NUP98: variants seen among roughly 807,000 people sequenced by gnomAD.
The protein encoded by NUP98 is nucleoporin 98 and 96 precursor.
NUP98 carries 26 observed loss-of-function variants against 191.9 expected under a neutral mutation model. That is an observed-to-expected ratio of 0.14 (90% CI 0.10 to 0.19). NUP98 has a LOEUF of 0.19. Among genes scored for constraint, NUP98 ranks in the 10% least tolerant of loss-of-function variants. NUP98 has a pLI of 1.00. For missense variants in NUP98, 1,941 were observed against 2,178.8 expected (o/e 0.89, Z 2.17); for synonymous variants, 808 against 778.4 (o/e 1.04, Z -0.63).
At chr11:3,728,602 G>A (rs367629322) in intron 14 of NUP98, among the ~76,000 whole-genome samples, 1 of 152,116 alleles carries the variant, frequency 6.6e-6, no homozygotes, top group Non-Finnish European at 1.5e-5. Flanking sequence ...AGCTGGGCGT[G>A]GTGGTGGGCG....
chr11:3,691,445 C>A lies in NUP98; in HGVS notation c.4356G>T (p.Ser1452=). Residue 1452 remains serine (S), a synonymous_variant, in exon 28 of 33, where the codon TCG becomes TCT. Coordinates refer to ENST00000324932, the MANE Select transcript of NUP98 (RefSeq NM_016320.5). ...TCACACAGCCAGAACCCTCCAGATA[C>A]GAAGGAAGTGGGGAGCAGGCATATC... is the stretch of plus-strand genomic sequence containing the variant. The part of the protein sequence containing the change: ...SDRYACSPLP[S]YLEGSGCVIA... 1 of 1,614,030 alleles carries A rather than the reference C, an allele frequency of 6.2e-7. No homozygotes were observed. Among genetic ancestry groups the A allele is most frequent in the African/African-American group, 1.3e-5 (1 of 74,996 alleles).
In NUP98 at chr11:3,691,686, TG is replaced by T. The variant is rs1487815804; in HGVS notation, c.4312-198del. On this transcript the variant is annotated intron_variant, in intron 27 of 32. Transcript: ENST00000324932. ...CTCCTGCCTCAGCCTCCCAAGTAGC[TG>T]GGATTACAGCTGCACACCACCACAC... 3.3e-5 allele frequency among the ~76,000 whole-genome samples: 5 copies of T among 152,250 alleles called. No individual in the cohort carries two copies. The East Asian group carries it at 9.6e-4, about 29-fold the overall frequency.
intron 19 of NUP98, 75 bp from the exon 20 acceptor site, chr11:3,712,803 C>T: frequency 6.9e-7 from 1 of 1,455,344 alleles, no homozygotes; most frequent in Non-Finnish European, 9.4e-7. Context: ...AATCTTGCAG[C>T]ATTACCTTAA....
chr11:3,777,620 C>CAA lies in NUP98; in HGVS notation c.355+1251_355+1252dup, dbSNP rs35614116. 5.5e-3 allele frequency among the ~76,000 whole-genome samples: 322 copies of CAA among 58,938 alleles called. 5 individuals carry two copies. The highest frequency in any genetic ancestry group is 9.1e-3 in the African/African-American group (137 of 15,002). The allele number at this position is 58,938 out of a possible 152,430, so 38.7% of individuals were successfully genotyped here. A position where few individuals can be genotyped will look rare whatever the true frequency, so the allele number is the denominator to read the frequency against. Reference sequence around the variant, plus strand: ...CGGGTAACAGATCAAGACTCCGTCTCAAAAAAAAAAAAAAAAAAAAAGAAG... The same window carrying CAA: ...CGGGTAACAGATCAAGACTCCGTCTCAAAAAAAAAAAAAAAAAAAAAAAGAAG... On this transcript the variant is annotated intron_variant, in intron 4 of 32. Coordinates refer to ENST00000324932, the MANE Select transcript of NUP98 (RefSeq NM_016320.5).
At chr11:3,738,776 C>CAAAAAAA (rs58460963) in intron 12 of NUP98, among the ~76,000 whole-genome samples, 1 of 67,244 alleles carries the variant, frequency 1.5e-5, no homozygotes, top group South Asian at 7.4e-4. Flanking sequence ...AGACTCCTCT[C>CAAAAAAA]AAAAAAAAAA....
At chr11:3,795,698 T>C (rs915556133) in intron 1 of NUP98, among the ~76,000 whole-genome samples, 2 of 152,078 alleles carry the variant, frequency 1.3e-5, no homozygotes, top group Non-Finnish European at 2.9e-5. Context: ...AAAATAAAAA[T>C]GATATGTGCT....
chr11:3,793,712 T>G (rs936460839), intron 1 of NUP98, among the ~76,000 whole-genome samples: 1 of 152,166 alleles, frequency 6.6e-6, no homozygotes, highest in Non-Finnish European at 1.5e-5. Flanking sequence ...GGCTCACGCC[T>G]GTAATCCCAG....
Position 3,699,340 on chromosome 11 carries a change from G to A in NUP98, c.3751C>T (p.His1251Tyr), listed in dbSNP as rs967522941. ...CATAGTGTCCATGTCAGGCTCCAGT[G>A]CTTCACAACTAAGGCAGGAAGAGAA... is the stretch of plus-strand genomic sequence containing the variant. Reference protein sequence around the residue: ...GDLPEAQIVKHWSLTWTLCEA... With the variant: ...GDLPEAQIVKYWSLTWTLCEA... Residue 1251 changes from histidine (H) to tyrosine (Y), a missense_variant, in exon 25 of 33, where the codon CAC (histidine) becomes TAC (tyrosine). His to Tyr is a moderately conservative substitution (Grantham distance 83). Coordinates refer to ENST00000324932, the MANE Select transcript of NUP98 (RefSeq NM_016320.5). 6.2e-7 allele frequency: 1 copy of A among 1,613,682 alleles called. No homozygotes were observed. The highest frequency in any genetic ancestry group is 1.1e-5 in the South Asian group (1 of 91,084).
intron 25 of NUP98, chr11:3,696,640 C>T (rs1169541308): frequency 6.6e-6 from 1 of 152,012 alleles, no homozygotes; most frequent in African/African-American, 2.4e-5. Flanking sequence ...GAAACGGCAT[C>T]TCTACTAAAT....
chr11:3,736,971 C>T (rs2080088118), intron 12 of NUP98, among the ~76,000 whole-genome samples: 1 of 152,088 alleles, frequency 6.6e-6, no homozygotes, highest in Non-Finnish European at 1.5e-5. Flanking sequence ...CATCTGTTAT[C>T]AATTGCAGAG....
At chr11:3,720,894 A>G in intron 16 of NUP98, 69 bp from the exon 17 acceptor site, 1 of 688,220 alleles carries the variant, frequency 1.5e-6, no homozygotes, top group South Asian at 1.8e-5. Flanking sequence ...AAATCATCAT[A>G]TAAAGAGAAA....
intron 11 of NUP98, among the ~76,000 whole-genome samples, chr11:3,751,345 C>A (rs1420205647): frequency 1.3e-5 from 2 of 151,412 alleles, no homozygotes; most frequent in Non-Finnish European, 2.9e-5. Context: ...GTAACAAGAG[C>A]AAAACTCCGA....
chr11:3,733,253 G>T (rs1386599484), intron 13 of NUP98, among the ~76,000 whole-genome samples: 1 of 152,036 alleles, frequency 6.6e-6, no homozygotes, highest in Non-Finnish European at 1.5e-5. Context: ...CCTATTCTGG[G>T]TATATCATAC....
chr11:3,771,678 T>C (rs1007082005), intron 7 of NUP98, 70 bp downstream of exon 7: 6 of 1,380,418 alleles, frequency 4.3e-6, no homozygotes, highest in Non-Finnish European at 6.1e-6. Context: ...TATCCCAAAA[T>C]GGCAATTATG....
chr11:3,775,437 G>A (rs964461694), intron 5 of NUP98, among the ~76,000 whole-genome samples: 1 of 152,018 alleles, frequency 6.6e-6, no homozygotes, highest in South Asian at 2.1e-4. Context: ...TCAGGAGGCG[G>A]AGGCAGGAGA....
chr11:3,706,404 G>T, intron 21 of NUP98, 41 bp downstream of exon 21: 5 of 1,585,728 alleles, frequency 3.2e-6, no homozygotes, highest in Non-Finnish European at 3.5e-6. Flanking sequence ...TAAAATATTA[G>T]TTTGGCTTTC....
chr11:3,772,400 C>A (rs2081558239), intron 6 of NUP98, among the ~76,000 whole-genome samples: 2 of 152,176 alleles, frequency 1.3e-5, no homozygotes, highest in Non-Finnish European at 2.9e-5. Context: ...AAGAAGCAAT[C>A]ACTATAATCA....
chr11:3,729,098 T>C lies in NUP98; in HGVS notation c.1730+2293A>G, dbSNP rs929159597. 2.6e-5 allele frequency among the ~76,000 whole-genome samples: 4 copies of C among 152,292 alleles called. No individual in the cohort carries two copies. In the South Asian group the frequency reaches 6.2e-4, roughly 24 times the overall value. On this transcript the variant is annotated intron_variant, in intron 14 of 32. Transcript: ENST00000324932. ...AGTGAAGATGTAGAGTAGGGTAAGA[T>C]ACAAGAATCTTTAGTTTGGTAAAGA...
chr11:3,776,035 A>T lies in NUP98; in HGVS notation c.356-14T>A, dbSNP rs1459057120. 2 of 1,594,524 alleles carry T rather than the reference A, an allele frequency of 1.3e-6. No individual in the cohort carries two copies. The highest frequency in any genetic ancestry group is 3.5e-5 in the Admixed American group (2 of 56,352). ...TGGTTCCAAAATCTAAAAATAAGAA[A>T]GAAAAATGAGACGATAACAGTAAGA... On this transcript the variant is annotated splice_polypyrimidine_tract_variant and intron_variant, in intron 4 of 32. Coordinates refer to ENST00000324932, the MANE Select transcript of NUP98 (RefSeq NM_016320.5).
Sources: gnomAD v4.1 joint callset for allele counts (sites outside exome capture counted in the v4.1 genomes callset) on GRCh38, gnomAD v4.1.1 for gene constraint, MANE v1.5 for transcripts, NCBI Gene and HGNC (gene_info 2026-07-23, HGNC 2026-07-21) for gene names.